The following CNTNAP2 variants were observed in gnomAD, a reference collection of about 807,000 sequenced individuals.
CNTNAP2 encodes the protein contactin associated protein 2, also known as contactin-associated protein-like 2.
In CNTNAP2, 98 loss-of-function variants were observed where a neutral mutation model predicts 155.2. That is an observed-to-expected ratio of 0.63 (90% CI 0.54 to 0.75). The LOEUF is 0.75. Among genes scored for constraint, CNTNAP2 ranks in the 30% least tolerant of loss-of-function variants. The pLI, the probability that CNTNAP2 is intolerant of heterozygous loss-of-function variation, is 0.00. For synonymous variants in CNTNAP2, 651 were observed against 631.2 expected (o/e 1.03, Z -0.47); for missense variants, 1,727 against 1,688.1 (o/e 1.02, Z -0.40).
intron 12 of CNTNAP2, among the ~76,000 whole-genome samples, chr7:147,630,862 C>A (rs1273839312): frequency 6.6e-6 from 1 of 152,094 alleles, no homozygotes; most frequent in Non-Finnish European, 1.5e-5. Flanking sequence ...CCACAGCCAA[C>A]ATTATACTGA....
intron 15 of CNTNAP2, among the ~76,000 whole-genome samples, chr7:148,057,676 A>T (rs1427609581): frequency 2.6e-5 from 4 of 152,198 alleles, no homozygotes; most frequent in Non-Finnish European, 1.5e-5. Flanking sequence ...TCCTACCCTC[A>T]GTTAAAACTT....
At chr7:147,989,531 A>G (rs1231225248) in intron 15 of CNTNAP2, among the ~76,000 whole-genome samples, 1 of 152,212 alleles carries the variant, frequency 6.6e-6, no homozygotes, top group African/African-American at 2.4e-5. Context: ...CAGGCTTGAT[A>G]TCAGAAAAGC....
rs947973741 is a variant in CNTNAP2, at chr7:148,161,606, T to C, written c.2774-10636T>C. Among the ~76,000 whole-genome samples, 2 of 152,068 alleles carry C rather than the reference T, an allele frequency of 1.3e-5. 1 individual carries two copies. Among genetic ancestry groups the C allele is most frequent in the Admixed American group, 1.3e-4 (2 of 15,268 alleles). On this transcript the variant is annotated intron_variant, in intron 17 of 23. Coordinates refer to ENST00000361727, the MANE Select transcript of CNTNAP2 (RefSeq NM_014141.6). ...CCACCTAGACAGGGGACAGCCATCTTCCACTGTCATTGATTCTTAAACCAG... is the reference window on the plus strand; with the variant it reads ...CCACCTAGACAGGGGACAGCCATCTCCCACTGTCATTGATTCTTAAACCAG...
chr7:146,904,719 C>T (rs1415121856), intron 3 of CNTNAP2, among the ~76,000 whole-genome samples: 1 of 152,162 alleles, frequency 6.6e-6, no homozygotes, highest in Non-Finnish European at 1.5e-5. Context: ...GATCCGCCCA[C>T]CTCGGCCTCC....
In CNTNAP2 at chr7:146,605,505, G is replaced by T. The variant is rs1799032084; in HGVS notation, c.98-168766G>T. Among the ~76,000 whole-genome samples, 4 of 152,042 alleles carry T rather than the reference G, an allele frequency of 2.6e-5. 1 individual carries two copies. The highest frequency in any genetic ancestry group is 3.4e-3 in the Middle Eastern group (1 of 294). On this transcript the variant is annotated intron_variant, in intron 1 of 23. Coordinates refer to ENST00000361727, the MANE Select transcript of CNTNAP2 (RefSeq NM_014141.6). ...AAAAAGGACTCTAAGATGGTGGAGGGTCTCAGAGCCAAGTTATGTCACTAA... is the reference window on the plus strand; with the variant it reads ...AAAAAGGACTCTAAGATGGTGGAGGTTCTCAGAGCCAAGTTATGTCACTAA...
rs191774060 is a variant in CNTNAP2, at chr7:146,823,272, A to T, written c.209-16439A>T. ...GTAAATATACTCATTCTTCAGTATA[A>T]TTACATGTAAATATACTCATTCTTC... On this transcript the variant is annotated intron_variant, in intron 2 of 23. Transcript: ENST00000361727. Among the ~76,000 whole-genome samples the T allele has an allele frequency of 8.9e-3, 1,150 of 128,830 alleles. 18 individuals carry two copies. The highest frequency in any genetic ancestry group is 0.04 in the African/African-American group (1,041 of 25,976). The allele number at this position is 128,830 out of a possible 152,430, so 84.5% of individuals were successfully genotyped here.
At chr7:146,287,181 T>C (rs1282731122) in intron 1 of CNTNAP2, among the ~76,000 whole-genome samples, 1 of 152,212 alleles carries the variant, frequency 6.6e-6, no homozygotes, top group Non-Finnish European at 1.5e-5. Flanking sequence ...TCTGCCTTTT[T>C]ACAAACTAAC....
At chr7:147,262,636 C>G (rs1804502817) in intron 8 of CNTNAP2, among the ~76,000 whole-genome samples, 1 of 152,126 alleles carries the variant, frequency 6.6e-6, no homozygotes, top group African/African-American at 2.4e-5. Flanking sequence ...AACCCCGTCT[C>G]CACTAAAAAT....
chr7:146,227,927 A>G (rs1039577915), intron 1 of CNTNAP2, among the ~76,000 whole-genome samples: 2 of 152,212 alleles, frequency 1.3e-5, no homozygotes, highest in African/African-American at 4.8e-5. Context: ...TAACACTGAC[A>G]TACTTTCAAA....
intron 9 of CNTNAP2, among the ~76,000 whole-genome samples, chr7:147,322,532 TTC>T (rs1366932199): frequency 6.6e-6 from 1 of 151,864 alleles, no homozygotes; most frequent in Non-Finnish European, 1.5e-5. Context: ...TGGTCTAAAA[TTC>T]TCTTTTTTGG....
At chr7:148,261,865 C>T (rs1409817015) in intron 20 of CNTNAP2, among the ~76,000 whole-genome samples, 1 of 152,230 alleles carries the variant, frequency 6.6e-6, no homozygotes, top group Non-Finnish European at 1.5e-5. Flanking sequence ...TGCTATCCCC[C>T]TCCTCGAGCC....
At chr7:147,601,912 G>T (rs1265112398) in intron 12 of CNTNAP2, among the ~76,000 whole-genome samples, 1 of 151,558 alleles carries the variant, frequency 6.6e-6, no homozygotes, top group Non-Finnish European at 1.5e-5. Flanking sequence ...AAGTTTATTT[G>T]TAAAAGAAAG....
chr7:147,159,259 T>C (rs963510546), intron 8 of CNTNAP2, among the ~76,000 whole-genome samples: 6 of 152,152 alleles, frequency 3.9e-5, no homozygotes, highest in African/African-American at 9.7e-5. Context: ...CGAGATCTAT[T>C]AGAAGTATAT....
chr7:148,367,223 C>G (rs1443402760), intron 21 of CNTNAP2, among the ~76,000 whole-genome samples: 1 of 150,658 alleles, frequency 6.6e-6, no homozygotes, highest in Non-Finnish European at 1.5e-5. Flanking sequence ...GAACAAGACT[C>G]TGTCTCAAAA....
chr7:148,391,971 T>C (rs1799360695), intron 22 of CNTNAP2, among the ~76,000 whole-genome samples: 1 of 152,254 alleles, frequency 6.6e-6, no homozygotes. Flanking sequence ...AAAAGCCACA[T>C]CCTAGGATCT....
chr7:147,640,962 A>G (rs1795264615), intron 13 of CNTNAP2, among the ~76,000 whole-genome samples: 1 of 152,160 alleles, frequency 6.6e-6, no homozygotes, highest in African/African-American at 2.4e-5. Flanking sequence ...TTTAATATGC[A>G]AAGGCAGGGC....
chr7:147,798,375 AT>A (rs1291987857), intron 13 of CNTNAP2, among the ~76,000 whole-genome samples: 2 of 152,198 alleles, frequency 1.3e-5, no homozygotes, highest in Non-Finnish European at 2.9e-5. Context: ...AAATCACCAA[AT>A]AAAACTGACT....
rs536161309 is a variant in CNTNAP2, at chr7:147,884,278, A to C, written c.2099-19287A>C. ...GTGATAAATAAGGAATTCATTCTTC[A>C]CAGAAAATGGGGCGATGCATCCAGG... On this transcript the variant is annotated intron_variant, in intron 13 of 23. Transcript: ENST00000361727. 3.9e-5 allele frequency among the ~76,000 whole-genome samples: 6 copies of C among 152,326 alleles called. No homozygotes were observed. The East Asian group carries it at 1.2e-3, about 29-fold the overall frequency.
At chr7:146,327,599 A>G (rs2129093876) in intron 1 of CNTNAP2, among the ~76,000 whole-genome samples, 1 of 152,346 alleles carries the variant, frequency 6.6e-6, no homozygotes, top group East Asian at 1.9e-4. Context: ...TTATCAACAA[A>G]TGAGAAAGCT....
Sources: allele counts gnomAD v4.1 joint callset (sites outside exome capture counted in the v4.1 genomes callset), GRCh38; gene constraint gnomAD v4.1.1; transcripts MANE v1.5; gene names NCBI Gene and HGNC (gene_info 2026-07-23, HGNC 2026-07-21).